The following NINJ2 variants were observed in gnomAD, a reference collection of about 807,000 sequenced individuals.
NINJ2 encodes the protein ninjurin-2.
Under a neutral mutation model 11.7 loss-of-function variants are expected in NINJ2, and 12 were observed. That is an observed-to-expected ratio of 1.02 (90% confidence interval 0.66 to 1.66). The LOEUF (loss-of-function observed/expected upper bound fraction) is 1.66. NINJ2 is among the 40% of genes most tolerant of loss of function. NINJ2 has a pLI of 0.00. For synonymous variants in NINJ2, 93 were observed against 76.8 expected, an observed-to-expected ratio of 1.21 and a Z score of -1.10; for missense variants, 187 against 181.8, an observed-to-expected ratio of 1.03 and a Z score of -0.16.
At chr12:648,045 A>T (rs995673314) in intron 1 of NINJ2, among the ~76,000 whole-genome samples, 5 of 152,190 alleles carry the variant, frequency 3.3e-5, no homozygotes, top group African/African-American at 1.2e-4. Flanking sequence ...TTCACGGTGC[A>T]TGGCAAATTG....
intron 1 of NINJ2, among the ~76,000 whole-genome samples, chr12:575,959 CA>C (rs1947452066): frequency 6.6e-6 from 1 of 152,160 alleles, no homozygotes; most frequent in Non-Finnish European, 1.5e-5. Context: ...GTCTTCAGGC[CA>C]AAAGCTGTAA....
intron 1 of NINJ2, among the ~76,000 whole-genome samples, chr12:655,254 T>C (rs1052816641): frequency 6.6e-6 from 1 of 152,220 alleles, no homozygotes; most frequent in Non-Finnish European, 1.5e-5. Flanking sequence ...TAGGAAGTCC[T>C]AGTAAATGCA....
At chr12:645,294 C>G (rs1044793686) in intron 1 of NINJ2, 9 of 152,142 alleles carry the variant, frequency 5.9e-5, no homozygotes, top group Non-Finnish European at 1.3e-4. Flanking sequence ...TTTAACTTCT[C>G]TGGGCCTTGG....
chr12:578,194 C>T (rs1009008344), intron 1 of NINJ2, among the ~76,000 whole-genome samples: 3 of 152,194 alleles, frequency 2.0e-5, no homozygotes. Flanking sequence ...CCCTCTCACG[C>T]GGACCCCCTT....
At chr12:647,183 C>G (rs1441254327) in intron 1 of NINJ2, among the ~76,000 whole-genome samples, 1 of 152,222 alleles carries the variant, frequency 6.6e-6, no homozygotes, top group Non-Finnish European at 1.5e-5. Flanking sequence ...CCCAGGTGCC[C>G]CGTGGGAAAG....
rs1948407709 is a variant in NINJ2, at chr12:640,765, T to C, written c.33+22563A>G. Reference sequence around the variant, plus strand: ...TACCCACCTCGGCCTCCCAAAGTGCTGGGATTACAGGTGTGAATCATTGTG... The same window carrying C: ...TACCCACCTCGGCCTCCCAAAGTGCCGGGATTACAGGTGTGAATCATTGTG... On this transcript the variant is annotated intron_variant, in intron 1 of 3. Coordinates refer to ENST00000305108, the MANE Select transcript of NINJ2 (RefSeq NM_016533.6). The surrounding 1 kb of genome is among the most constrained non-coding windows in gnomAD (Gnocchi z 4.0). 1 of 153,108 alleles carries C rather than the reference T, an allele frequency of 6.5e-6. No homozygotes were observed. The highest frequency in any genetic ancestry group is 2.4e-5 in the African/African-American group (1 of 41,452). 9.5% of individuals were successfully genotyped at this position (153,108 alleles called of 1,614,324 possible).
At chr12:626,514 C>T (rs1948211778) in intron 1 of NINJ2, among the ~76,000 whole-genome samples, 1 of 152,160 alleles carries the variant, frequency 6.6e-6, no homozygotes, top group Admixed American at 6.6e-5. Flanking sequence ...CCTACCAGTG[C>T]CTGCTACCTA....
intron 1 of NINJ2, among the ~76,000 whole-genome samples, chr12:660,828 G>C (rs1191425746): frequency 6.6e-6 from 1 of 152,128 alleles, no homozygotes; most frequent in Non-Finnish European, 1.5e-5. Context: ...AAGTGTGGTG[G>C]TACATGCCTA....
chr12:643,254 C>T (rs149445485), intron 1 of NINJ2: 1,977 of 182,066 alleles, frequency 0.011, 48 homozygotes, highest in African/African-American at 0.044. Flanking sequence ...TGACCCTCAG[C>T]GACCCTCCTG....
intron 1 of NINJ2, among the ~76,000 whole-genome samples, chr12:656,431 G>A (rs1398307496): frequency 1.4e-5 from 2 of 146,178 alleles, no homozygotes; most frequent in Non-Finnish European, 3.1e-5. Context: ...CAAAGTCAGA[G>A]GACTGACACT....
At chr12:568,856 G>T (rs1330337612) in intron 1 of NINJ2, among the ~76,000 whole-genome samples, 1 of 151,310 alleles carries the variant, frequency 6.6e-6, no homozygotes, top group Non-Finnish European at 1.5e-5. Context: ...ATGCCAGGCG[G>T]TGCTTGGGGC....
intron 1 of NINJ2, among the ~76,000 whole-genome samples, chr12:635,021 A>C (rs1377217769): frequency 1.3e-5 from 2 of 150,770 alleles, no homozygotes; most frequent in Non-Finnish European, 2.9e-5. Context: ...CTGGGATTAC[A>C]GGTGTCAATC....
intron 1 of NINJ2, among the ~76,000 whole-genome samples, chr12:601,904 G>T (rs138081753): frequency 0.016 from 2,410 of 152,270 alleles, 29 homozygotes; most frequent in Non-Finnish European, 0.026. Flanking sequence ...AAAATAAAAT[G>T]ATTTCCATGG....
At chr12:584,529 A>G (rs2369388) in intron 1 of NINJ2, among the ~76,000 whole-genome samples, 40,898 of 149,974 alleles carry the variant, frequency 0.27, 5,831 homozygotes, top group South Asian at 0.38. Context: ...AAATTAGCCG[A>G]GCATGGTGGC....
At chr12:662,730 C>A (rs923183838) in intron 1 of NINJ2, among the ~76,000 whole-genome samples, 1 of 152,172 alleles carries the variant, frequency 6.6e-6, no homozygotes, top group African/African-American at 2.4e-5. Flanking sequence ...TGGACTGGAA[C>A]CTCTGATGCC....
At chr12:644,990 C>T (rs948391138) in intron 1 of NINJ2, 6 of 152,012 alleles carry the variant, frequency 3.9e-5, no homozygotes, top group African/African-American at 1.5e-4. Flanking sequence ...ACTGGAGGCC[C>T]AGTGGCTAGA....
chr12:629,916 T>TATATATATATATACAC (rs147102413), intron 1 of NINJ2, among the ~76,000 whole-genome samples: 2 of 72,964 alleles, frequency 2.7e-5, no homozygotes, highest in African/African-American at 3.9e-5. Flanking sequence ...TATATATATA[T>TATATATATATATACAC]ATATATGAAG....
At chr12:613,022 G>A (rs545272701) in intron 1 of NINJ2, among the ~76,000 whole-genome samples, 57 of 152,332 alleles carry the variant, frequency 3.7e-4, no homozygotes, top group African/African-American at 1.2e-3. Flanking sequence ...CAGGCAAGGT[G>A]TGACCAGAAA....
chr12:651,888 C>T (rs1487430354), intron 1 of NINJ2, among the ~76,000 whole-genome samples: 4 of 152,008 alleles, frequency 2.6e-5, no homozygotes, highest in Admixed American at 2.6e-4. Context: ...ATAGAAGGCC[C>T]CTACATGGAA....
Sources: gnomAD v4.1 joint callset for allele counts (sites outside exome capture counted in the v4.1 genomes callset) on GRCh38, gnomAD v4.1.1 for gene constraint, Gnocchi (gnomAD v3.1) non-coding constraint, MANE v1.5 for transcripts, NCBI Gene and HGNC (gene_info 2026-07-23, HGNC 2026-07-21) for gene names.